Variants in PDE4B observed in about 807,000 individuals in gnomAD.
PDE4B encodes phosphodiesterase 4B, also known as 3',5'-cyclic-AMP phosphodiesterase 4B.
PDE4B carries 20 observed loss-of-function variants against 82.2 expected under a neutral mutation model. That is an observed-to-expected ratio of 0.24 (90% CI 0.17 to 0.35). The LOEUF is 0.35. Among genes scored for constraint, PDE4B ranks in the 10% least tolerant of loss-of-function variants. The pLI is 1.00. For synonymous variants in PDE4B, 320 were observed against 318.9 expected (o/e 1.00, Z -0.04); for missense variants, 655 against 907.2 (o/e 0.72, Z 3.57).
In PDE4B at chr1:66,090,100, T is replaced by C. The variant is rs74607646; in HGVS notation, c.282-157360T>C. On this transcript the variant is annotated intron_variant, in intron 3 of 16. Coordinates refer to ENST00000341517, the MANE Select transcript of PDE4B (RefSeq NM_002600.4). ...GAAAAACAAAAGTTGGTTGGTATCA[T>C]GGAAGAGACAGGAATTTCAGGAGAG... Among the ~76,000 whole-genome samples, 439 of 152,146 alleles carry C rather than the reference T, an allele frequency of 2.9e-3. 3 individuals carry two copies. The Middle Eastern group carries it at 0.054, about 19-fold the overall frequency.
chr1:66,100,703 CATT>C (rs1193440977), intron 3 of PDE4B, among the ~76,000 whole-genome samples: 1 of 152,080 alleles, frequency 6.6e-6, no homozygotes, highest in African/African-American at 2.4e-5. Context: ...CCCAAAGCAA[CATT>C]ATTGCTGAAT....
At chr1:65,887,541 C>T (rs1430691059) in intron 1 of PDE4B, among the ~76,000 whole-genome samples, 1 of 147,546 alleles carries the variant, frequency 6.8e-6, no homozygotes, top group African/African-American at 2.5e-5. Context: ...CCTTAGCCTC[C>T]AGAGTAGCCA....
chr1:66,294,373 G>A (rs990497795), intron 7 of PDE4B, among the ~76,000 whole-genome samples: 1 of 152,072 alleles, frequency 6.6e-6, no homozygotes, highest in Admixed American at 6.6e-5. Context: ...TTTATTCATG[G>A]ACATATGTAT....
At position 65,918,758 on chromosome 1, in the gene PDE4B, A is replaced by C; in HGVS notation, c.204A>C (p.Gly68=). 1 of 1,614,076 alleles carries C rather than the reference A, an allele frequency of 6.2e-7. No homozygotes were observed. Residue 68 remains glycine (G), a synonymous_variant, in exon 3 of 17, where the codon GGA becomes GGC. Transcript: ENST00000341517. ...GTGAAAGGGCAAGGACTCCTGAGGG[A>C]GATGGTATTTCCAGGCCGACCACAC... is the stretch of plus-strand genomic sequence containing the variant. ...RQSERARTPE[G]DGISRPTTLP...
chr1:66,129,174 T>G (rs1016384600), intron 3 of PDE4B, among the ~76,000 whole-genome samples: 9 of 152,204 alleles, frequency 5.9e-5, no homozygotes, highest in African/African-American at 2.2e-4. Context: ...AGCTTGGACC[T>G]AACATATTAA....
chr1:66,157,398 G>A (rs1307845300), intron 3 of PDE4B, among the ~76,000 whole-genome samples: 1 of 152,098 alleles, frequency 6.6e-6, no homozygotes, highest in Non-Finnish European at 1.5e-5. Context: ...TGATCCAGTG[G>A]TATTCCCTTT....
intron 3 of PDE4B, among the ~76,000 whole-genome samples, chr1:66,113,048 T>TACTGAAAGG (rs1645521417): frequency 1.3e-5 from 2 of 152,204 alleles, no homozygotes; most frequent in African/African-American, 4.8e-5. Context: ...TGAGACACAA[T>TACTGAAAGG]TGCATTTAGA....
At chr1:65,923,414 C>T (rs4655809) in intron 3 of PDE4B, among the ~76,000 whole-genome samples, 53,619 of 152,036 alleles carry the variant, frequency 0.35, 9,626 homozygotes, top group East Asian at 0.48. Flanking sequence ...CCCTTCCCTG[C>T]TTACAGTTTG....
At chr1:65,982,372 A>G (rs1318428155) in intron 3 of PDE4B, among the ~76,000 whole-genome samples, 6 of 152,208 alleles carry the variant, frequency 3.9e-5, no homozygotes, top group Admixed American at 3.3e-4. Context: ...GTGAAGGGAC[A>G]GACTACATTG....
intron 7 of PDE4B, among the ~76,000 whole-genome samples, chr1:66,280,825 G>A (rs1353714090): frequency 6.6e-6 from 1 of 152,078 alleles, no homozygotes; most frequent in Non-Finnish European, 1.5e-5. Flanking sequence ...CCTGCCTCTG[G>A]TCTTGAATAT....
chr1:66,195,437 G>A (rs777924902), intron 3 of PDE4B, among the ~76,000 whole-genome samples: 1 of 152,036 alleles, frequency 6.6e-6, no homozygotes, highest in Non-Finnish European at 1.5e-5. Flanking sequence ...ACAGCCAAAG[G>A]GCCAGAGGAA....
rs139231770 is a variant in PDE4B, at chr1:66,188,277, G to A, written c.282-59183G>A. ...CAACTATGTGGTCAATTTTGCAATA[G>A]GTGTGGTGTGGTGCTGAAAAGAATG... On this transcript the variant is annotated intron_variant, in intron 3 of 16. Coordinates refer to ENST00000341517, the MANE Select transcript of PDE4B (RefSeq NM_002600.4). 5.7e-3 allele frequency among the ~76,000 whole-genome samples: 870 copies of A among 151,558 alleles called. 7 individuals carry two copies. The highest frequency in any genetic ancestry group is 0.02 in the African/African-American group (813 of 41,386).
chr1:65,807,785 G>T (rs1165206161), intron 1 of PDE4B, among the ~76,000 whole-genome samples: 1 of 152,336 alleles, frequency 6.6e-6, no homozygotes, highest in Non-Finnish European at 1.5e-5. Context: ...GAAAGCAGCT[G>T]CCCAAGTAGG....
intron 3 of PDE4B, among the ~76,000 whole-genome samples, chr1:66,151,657 G>A (rs568712883): frequency 6.6e-6 from 1 of 152,278 alleles, no homozygotes; most frequent in Non-Finnish European, 1.5e-5. Flanking sequence ...CACCTTGAGT[G>A]TCACCTAAAT....
At chr1:66,223,122 C>T (rs571901660) in intron 3 of PDE4B, among the ~76,000 whole-genome samples, 1 of 152,194 alleles carries the variant, frequency 6.6e-6, no homozygotes, top group African/African-American at 2.4e-5. Flanking sequence ...CAAAAACCGA[C>T]AAGGTTTCTT....
At chr1:65,904,448 TCCAATTTAATGTAAATTC>T (rs1647005707) in intron 1 of PDE4B, among the ~76,000 whole-genome samples, 1 of 152,178 alleles carries the variant, frequency 6.6e-6, no homozygotes, top group African/African-American at 2.4e-5. Context: ...ATTTACGTTT[TCCAATTTAATGTAAATTC>T]CTATGAGATT....
chr1:66,209,516 T>C (rs1403995577), intron 3 of PDE4B, among the ~76,000 whole-genome samples: 2 of 152,218 alleles, frequency 1.3e-5, no homozygotes, highest in African/African-American at 2.4e-5. Context: ...CACGTAATTT[T>C]TAAACCAACT....
intron 3 of PDE4B, among the ~76,000 whole-genome samples, chr1:66,036,945 C>A (rs906393963): frequency 6.6e-6 from 1 of 151,754 alleles, no homozygotes; most frequent in Non-Finnish European, 1.5e-5. Flanking sequence ...CCAGCCTGAC[C>A]AACATGGTGA....
At chr1:66,189,490 C>CT (rs1418628848) in intron 3 of PDE4B, among the ~76,000 whole-genome samples, 1 of 152,176 alleles carries the variant, frequency 6.6e-6, no homozygotes, top group Admixed American at 6.5e-5. Context: ...TAGATTTGGC[C>CT]TTTTCACATA....
Sources: gnomAD v4.1 joint callset for allele counts (sites outside exome capture counted in the v4.1 genomes callset) on GRCh38, gnomAD v4.1.1 for gene constraint, MANE v1.5 for transcripts, NCBI Gene and HGNC (gene_info 2026-07-23, HGNC 2026-07-21) for gene names.